Variants in PTPN20 observed in about 807,000 individuals in gnomAD.
The protein encoded by PTPN20 is protein tyrosine phosphatase non-receptor type 20.
In PTPN20, 9 loss-of-function variants were observed where a neutral mutation model predicts 35.0. The ratio of observed to expected loss-of-function variants is 0.26; its 90% CI spans 0.15 to 0.45. The LOEUF (loss-of-function observed/expected upper bound fraction) is 0.45. Among genes scored for constraint, PTPN20 ranks in the 20% least tolerant of loss-of-function variants. The pLI, the probability that PTPN20 is intolerant of heterozygous loss-of-function variation, is 1.00. For missense variants in PTPN20, 111 were observed against 312.5 expected (o/e 0.36, Z 4.86); for synonymous variants, 32 against 100.2 (o/e 0.32, Z 4.06).
intron 4 of PTPN20, among the ~76,000 whole-genome samples, chr10:46,945,258 C>T (rs1223235943): frequency 6.6e-5 from 10 of 151,944 alleles, no homozygotes; most frequent in Non-Finnish European, 1.0e-4. Flanking sequence ...AGGATGCATA[C>T]GGAGGGTCTT....
At chr10:46,988,275 T>C (rs1334265834) in intron 9 of PTPN20, among the ~76,000 whole-genome samples, 1 of 96,604 alleles carries the variant, frequency 1.0e-5, no homozygotes, top group Non-Finnish European at 1.9e-5. Context: ...ATTGTACATA[T>C]TTGTGGGGTA....
At chr10:46,976,629 T>C (rs1291881264) in intron 7 of PTPN20, among the ~76,000 whole-genome samples, 3 of 140,826 alleles carry the variant, frequency 2.1e-5, no homozygotes, top group African/African-American at 7.8e-5. Flanking sequence ...TTAAATAATG[T>C]TACCAGGTAT....
At chr10:46,953,361 T>TTCTTTCTTTCTTTCTC (rs1268886096) in intron 5 of PTPN20, among the ~76,000 whole-genome samples, 6 of 140,284 alleles carry the variant, frequency 4.3e-5, no homozygotes, top group Non-Finnish European at 8.9e-5. Flanking sequence ...CTTTCTTTCT[T>TTCTTTCTTTCTTTCTC]TCTTTCTTTC....
rs1402421941 is a variant in PTPN20, at chr10:47,002,103, T to C, written c.*1362T>C. 1.3e-5 allele frequency: 2 copies of C among 152,160 alleles called. No individual in the cohort carries two copies. Among genetic ancestry groups the C allele is most frequent in the Non-Finnish European group, 2.9e-5 (2 of 67,960 alleles). 9.4% of individuals were successfully genotyped at this position (152,160 alleles called of 1,614,324 possible). A position where few individuals can be genotyped will look rare whatever the true frequency, so the allele number is the denominator to read the frequency against. Reference sequence around the variant, plus strand: ...ATAATTCTCATTGTAAAAATAATTATATGCCAAAAATATATTTGATGTTAA... The same window carrying C: ...ATAATTCTCATTGTAAAAATAATTACATGCCAAAAATATATTTGATGTTAA... On this transcript the variant is annotated 3_prime_UTR_variant, in exon 11 of 11. Coordinates refer to ENST00000374339, the MANE Select transcript of PTPN20 (RefSeq NM_001042357.5).
At chr10:46,995,103 A>G (rs1471899064) in intron 9 of PTPN20, among the ~76,000 whole-genome samples, 2 of 152,214 alleles carry the variant, frequency 1.3e-5, no homozygotes, top group East Asian at 1.9e-4. Flanking sequence ...TTATATGGCT[A>G]TCTCATGAGG....
At chr10:46,968,517 CA>C (rs2051374061) in intron 7 of PTPN20, among the ~76,000 whole-genome samples, 1 of 151,990 alleles carries the variant, frequency 6.6e-6, no homozygotes, top group African/African-American at 2.4e-5. Context: ...AGAGCCTTAA[CA>C]TTGCTTCCCT....
In PTPN20 at chr10:46,932,416, A is replaced by G; in HGVS notation, c.-84A>G. Reference sequence around the variant, plus strand: ...TTTGCTGGCCCCCAGGATACTAACTAGACCTTTGGCCTGACTCACAGGACA... The same window carrying G: ...TTTGCTGGCCCCCAGGATACTAACTGGACCTTTGGCCTGACTCACAGGACA... On this transcript the variant is annotated 5_prime_UTR_variant, in exon 2 of 11. Coordinates refer to ENST00000374339, the MANE Select transcript of PTPN20 (RefSeq NM_001042357.5). 2 of 1,611,578 alleles carry G rather than the reference A, an allele frequency of 1.2e-6. No homozygotes were observed. The highest frequency in any genetic ancestry group is 2.3e-4 in the Middle Eastern group (1 of 4,424).
intron 4 of PTPN20, among the ~76,000 whole-genome samples, chr10:46,945,747 A>G (rs2044560377): frequency 6.6e-6 from 1 of 151,058 alleles, no homozygotes. Context: ...TCAGTTGAGT[A>G]TGGAGACGTT....
chr10:46,982,881 C>T (rs2055874039), intron 7 of PTPN20, among the ~76,000 whole-genome samples: 1 of 152,050 alleles, frequency 6.6e-6, no homozygotes, highest in Non-Finnish European at 1.5e-5. Context: ...AGTAATATAA[C>T]ATATTTGTTA....
At chr10:47,003,238 G>T (rs1044260687), downstream of PTPN20, among the ~76,000 whole-genome samples, 1 of 151,964 alleles carries the variant, frequency 6.6e-6, no homozygotes, top group Admixed American at 6.6e-5. Flanking sequence ...TCTGAAACTT[G>T]AACGTGATAA....
At chr10:46,981,157 GCA>G (rs1399198968) in intron 7 of PTPN20, among the ~76,000 whole-genome samples, 10 of 148,720 alleles carry the variant, frequency 6.7e-5, no homozygotes, top group Admixed American at 6.0e-4. Flanking sequence ...TGCTAGATAG[GCA>G]CAAACACAAA....
chr10:46,968,563 T>C (rs1370989572), intron 7 of PTPN20, among the ~76,000 whole-genome samples: 1 of 152,236 alleles, frequency 6.6e-6, no homozygotes. Flanking sequence ...CCTTCTGTCC[T>C]CCTCACTCAG....
rs1262866617 is a variant in PTPN20 at position 47,002,277 on chromosome 10, T to C, written c.*1536T>C. On this transcript the variant is annotated 3_prime_UTR_variant, in exon 11 of 11. Transcript: ENST00000374339. ...TAGCTATAATGTATAACAATTTTCT[T>C]CAGAAGAATTCTATGCTATTATTAA... The C allele has an allele frequency of 3.9e-5, 6 of 152,328 alleles. No individual in the cohort carries two copies. Among genetic ancestry groups the C allele is most frequent in the African/African-American group, 1.4e-4 (6 of 41,446 alleles). 9.4% of individuals were successfully genotyped at this position (152,328 alleles called of 1,614,324 possible). A position where few individuals can be genotyped will look rare whatever the true frequency, so the allele number is the denominator to read the frequency against.
chr10:46,983,065 CTTTTTTT>C (rs74898545), intron 7 of PTPN20, among the ~76,000 whole-genome samples: 1 of 101,942 alleles, frequency 9.8e-6, no homozygotes, highest in African/African-American at 3.8e-5. Context: ...ATATATCTAG[CTTTTTTT>C]TTTTTTTTTT....
At chr10:47,002,828 AC>A (rs2060130762), downstream of PTPN20, among the ~76,000 whole-genome samples, 1 of 151,788 alleles carries the variant, frequency 6.6e-6, no homozygotes, top group African/African-American at 2.4e-5. Flanking sequence ...CTTCCTTTGG[AC>A]CTTTTACCCC....
chr10:46,939,847 A>G (rs1394075853), intron 2 of PTPN20, among the ~76,000 whole-genome samples: 6 of 151,384 alleles, frequency 4.0e-5, no homozygotes, highest in African/African-American at 1.5e-4. Flanking sequence ...CATAATTTCT[A>G]TTAGATTTCC....
In PTPN20 at chr10:46,996,260, A is replaced by G. The variant is rs938610303; in HGVS notation, c.1135-3652A>G. ...AATCATAACTCCAAGTGAAAATTAT[A>G]TAACTCTTTGTCTTCATTTCATTGC... On this transcript the variant is annotated intron_variant, in intron 9 of 10. Transcript: ENST00000374339. Among the ~76,000 whole-genome samples the G allele has an allele frequency of 3.2e-4, 49 of 152,238 alleles. 3 individuals are homozygous for G. Among genetic ancestry groups the G allele is most frequent in the African/African-American group, 1.2e-4 (5 of 41,468 alleles).
In PTPN20 at chr10:46,932,400, C is replaced by G; in HGVS notation, c.-100C>G. ...AGGTGAACAAAAATTGTTTGCTGGC[C>G]CCCAGGATACTAACTAGACCTTTGG... On this transcript the variant is annotated 5_prime_UTR_variant, in exon 2 of 11. Coordinates refer to ENST00000374339, the MANE Select transcript of PTPN20 (RefSeq NM_001042357.5). 6.2e-7 allele frequency: 1 copy of G among 1,607,830 alleles called. No individual in the cohort carries two copies. The highest frequency in any genetic ancestry group is 1.1e-5 in the South Asian group (1 of 90,348).
intron 7 of PTPN20, among the ~76,000 whole-genome samples, chr10:46,980,995 T>A (rs1313505016): frequency 1.4e-5 from 2 of 146,012 alleles, no homozygotes; most frequent in Admixed American, 6.9e-5. Flanking sequence ...TGTTTTTTTG[T>A]TTTTTGCTTG....
Sources: allele counts gnomAD v4.1 joint callset (sites outside exome capture counted in the v4.1 genomes callset), GRCh38; gene constraint gnomAD v4.1.1; transcripts MANE v1.5; gene names NCBI Gene and HGNC (gene_info 2026-07-23, HGNC 2026-07-21).